POU6F2: variants seen among roughly 807,000 people sequenced by gnomAD.
The protein encoded by POU6F2 is POU domain, class 6, transcription factor 2.
In POU6F2, 31 loss-of-function variants were observed where a neutral mutation model predicts 71.3. The ratio of observed to expected loss-of-function variants is 0.43; its 90% CI spans 0.33 to 0.59. The LOEUF (loss-of-function observed/expected upper bound fraction) is 0.59. Ranked by LOEUF, POU6F2 falls within the 20% of genes least tolerant of loss-of-function variation. The probability of loss-of-function intolerance (pLI) is 0.04; values close to 1 mark genes in which losing one functional copy is unlikely to be tolerated. For missense variants in POU6F2, 783 were observed against 856.8 expected (o/e 0.91, Z 1.07); for synonymous variants, 347 against 355.7 (o/e 0.98, Z 0.27).
intron 1 of POU6F2, among the ~76,000 whole-genome samples, chr7:39,068,307 G>A (rs891449944): frequency 3.3e-5 from 5 of 151,820 alleles, no homozygotes; most frequent in Admixed American, 6.6e-5. Context: ...ATCCCCTAAC[G>A]TGCACAGGCC....
chr7:39,377,659 G>A lies in POU6F2; in HGVS notation c.973-28941G>A, dbSNP rs1365897914. On this transcript the variant is annotated intron_variant, in intron 5 of 9. Transcript: ENST00000518318. The stretch of plus-strand genomic sequence containing the variant: ...TCCCCCCTCGCTGTGTCAACCTTGG[G>A]GCAGAAGAATTTAAATATACTTGTT... Among the ~76,000 whole-genome samples, 3 of 152,016 alleles carry A rather than the reference G, an allele frequency of 2.0e-5. No individual in the cohort carries two copies. In the South Asian group the frequency reaches 6.2e-4, roughly 32 times the overall value.
At chr7:39,035,406 C>T (rs567943225) in intron 1 of POU6F2, among the ~76,000 whole-genome samples, 3 of 152,030 alleles carry the variant, frequency 2.0e-5, no homozygotes, top group South Asian at 4.2e-4. Flanking sequence ...AAGGCACTGG[C>T]GTTTTCTGTT....
intron 8 of POU6F2, among the ~76,000 whole-genome samples, chr7:39,454,139 T>A (rs1459024220): frequency 6.6e-6 from 1 of 152,144 alleles, no homozygotes; most frequent in Non-Finnish European, 1.5e-5. Context: ...AAGGATATGA[T>A]AAAGAATACA....
At chr7:39,442,608 T>A (rs1346833415) in intron 7 of POU6F2, among the ~76,000 whole-genome samples, 4 of 152,206 alleles carry the variant, frequency 2.6e-5, no homozygotes, top group African/African-American at 9.6e-5. Context: ...TTACACTATT[T>A]CTGTTTGATT....
At position 39,335,736 on chromosome 7, in the gene POU6F2, TCTTA is replaced by T. The variant is rs2115590766; in HGVS notation, c.599-3902_599-3899del. 1.3e-5 allele frequency among the ~76,000 whole-genome samples: 2 copies of T among 152,336 alleles called. 1 individual carries two copies. Among genetic ancestry groups the T allele is most frequent in the South Asian group, 4.1e-4 (2 of 4,830 alleles). On this transcript the variant is annotated intron_variant, in intron 4 of 9. Coordinates refer to ENST00000518318, the MANE Select transcript of POU6F2 (RefSeq NM_001370959.1). The stretch of plus-strand genomic sequence containing the variant: ...GGTATCTTCAAACTGTGAAGCACTG[TCTTA>T]CTTTTAACCGAAATTTCCTTGGCTG...
intron 1 of POU6F2, among the ~76,000 whole-genome samples, chr7:39,001,238 C>A (rs1322212922): frequency 6.7e-6 from 1 of 149,982 alleles, no homozygotes. Context: ...AAAGATCATT[C>A]TTTGACACAG....
At chr7:39,266,651 C>G in intron 4 of POU6F2, among the ~76,000 whole-genome samples, 1 of 148,958 alleles carries the variant, frequency 6.7e-6, no homozygotes. Flanking sequence ...CTGCTTCAGC[C>G]TCTTGAGTTG....
chr7:39,087,908 A>G (rs185995687), intron 2 of POU6F2, among the ~76,000 whole-genome samples: 3 of 152,290 alleles, frequency 2.0e-5, no homozygotes, highest in African/African-American at 7.2e-5. Context: ...TTGCATGTGT[A>G]GAGAAAAAAG....
chr7:39,266,310 G>A (rs1784239587), intron 4 of POU6F2, among the ~76,000 whole-genome samples: 2 of 152,202 alleles, frequency 1.3e-5, no homozygotes, highest in African/African-American at 4.8e-5. Flanking sequence ...CCAGGAAGAA[G>A]GGTTCAGGGT....
chr7:38,990,694 T>C (rs757860253), intron 1 of POU6F2, among the ~76,000 whole-genome samples: 1 of 152,078 alleles, frequency 6.6e-6, no homozygotes, highest in Non-Finnish European at 1.5e-5. Flanking sequence ...ATATAATATA[T>C]CTTATATCTT....
intron 5 of POU6F2, among the ~76,000 whole-genome samples, chr7:39,359,434 A>G (rs969005205): frequency 6.6e-6 from 1 of 152,178 alleles, no homozygotes; most frequent in Non-Finnish European, 1.5e-5. Flanking sequence ...ATAAAAGTTT[A>G]CAGTTTGGGG....
At chr7:39,095,696 A>AT (rs1283763578) in intron 2 of POU6F2, among the ~76,000 whole-genome samples, 7 of 152,190 alleles carry the variant, frequency 4.6e-5, no homozygotes, top group Admixed American at 3.3e-4. Flanking sequence ...CAGGACTGTG[A>AT]TTTAGCCGCT....
intron 5 of POU6F2, among the ~76,000 whole-genome samples, chr7:39,382,825 C>T (rs983341941): frequency 6.6e-6 from 1 of 152,090 alleles, no homozygotes; most frequent in Non-Finnish European, 1.5e-5. Flanking sequence ...GATCCTCAAA[C>T]ACCCCAGAAA....
At chr7:39,142,886 A>G (rs1460256135) in intron 2 of POU6F2, among the ~76,000 whole-genome samples, 1 of 152,250 alleles carries the variant, frequency 6.6e-6, no homozygotes, top group African/African-American at 2.4e-5. Context: ...GTAAATGTAT[A>G]TGGATCTATA....
At chr7:39,304,197 T>C (rs1180240748) in intron 4 of POU6F2, among the ~76,000 whole-genome samples, 1 of 152,092 alleles carries the variant, frequency 6.6e-6, no homozygotes, top group South Asian at 2.1e-4. Context: ...GCAACACATA[T>C]GGTAGACTGT....
At chr7:39,117,056 C>A (rs1791945826) in intron 2 of POU6F2, among the ~76,000 whole-genome samples, 2 of 152,186 alleles carry the variant, frequency 1.3e-5, no homozygotes, top group East Asian at 3.9e-4. Flanking sequence ...GCCAGAGGGA[C>A]CACCTATGCA....
At chr7:39,020,501 C>T (rs1416338731) in intron 1 of POU6F2, among the ~76,000 whole-genome samples, 1 of 152,058 alleles carries the variant, frequency 6.6e-6, no homozygotes, top group African/African-American at 2.4e-5. Flanking sequence ...TTGAGATGGT[C>T]ATTGCATTGC....
intron 4 of POU6F2, among the ~76,000 whole-genome samples, chr7:39,257,876 C>T (rs959595619): frequency 3.3e-5 from 5 of 151,788 alleles, no homozygotes; most frequent in Non-Finnish European, 7.4e-5. Context: ...CATTTTTCCC[C>T]ATAGACGTGT....
At chr7:39,188,545 T>G (rs1793592823) in intron 2 of POU6F2, among the ~76,000 whole-genome samples, 1 of 152,160 alleles carries the variant, frequency 6.6e-6, no homozygotes, top group Non-Finnish European at 1.5e-5. Flanking sequence ...ACTCCTGGCC[T>G]CAAGTAATCC....
Sources: gnomAD v4.1 joint callset for allele counts (sites outside exome capture counted in the v4.1 genomes callset) on GRCh38, gnomAD v4.1.1 for gene constraint, MANE v1.5 for transcripts, NCBI Gene and HGNC (gene_info 2026-07-23, HGNC 2026-07-21) for gene names.